Variants in ZNF536 observed in about 807,000 individuals in gnomAD.
ZNF536 encodes zinc finger protein 536.
ZNF536 carries 13 observed loss-of-function variants against 84.5 expected under a neutral mutation model. The observed-to-expected ratio is 0.15, with a 90% CI of 0.10 to 0.24. The LOEUF (loss-of-function observed/expected upper bound fraction) is 0.24. Ranked by LOEUF, ZNF536 falls within the 10% of genes least tolerant of loss-of-function variation. ZNF536 has a pLI of 1.00. For missense variants in ZNF536, 1,536 were observed against 1,747.5 expected (o/e 0.88, Z 2.16); for synonymous variants, 811 against 742.5 (o/e 1.09, Z -1.50).
At position 30,548,782 on chromosome 19, in the gene ZNF536, C is replaced by T. The variant is rs1319331079; in HGVS notation, c.3163C>T (p.Pro1055Ser). The change falls in exon 4 of 5, where the codon CCC becomes TCC. Residue 1055 changes from proline (P) to serine (S), a missense_variant. Pro to Ser is a moderately conservative substitution (Grantham distance 74). Around this residue, in one of 8 missense-constraint regions of ZNF536, gnomAD observed 624 missense variants for 603.1 expected, o/e 1.03. Transcript: ENST00000355537. ...AREASKMALL[P>S]SLQSNKDLGL... ...GGAGGCGAGTAAGATGGCCCTGCTG[C>T]CCTCGTTACAATCAAACAAAGACCT... 10 of 1,613,738 alleles carry T rather than the reference C, an allele frequency of 6.2e-6. No individual in the cohort carries two copies. Among genetic ancestry groups the T allele is most frequent in the Non-Finnish European group, 8.5e-6 (10 of 1,180,030 alleles).
chr19:30,316,073 A>T (rs930291938), intron 2 of ZNF536, among the ~76,000 whole-genome samples: 10 of 152,224 alleles, frequency 6.6e-5, no homozygotes, highest in African/African-American at 2.2e-4. Context: ...TACGCTTAAA[A>T]TGCTGCAGTA....
At position 30,444,058 on chromosome 19, in the gene ZNF536, A is replaced by C. The variant is rs557658131; in HGVS notation, c.496A>C (p.Arg166=). Reference sequence around the variant, plus strand: ...CTTCAAGTGCCCGTACTGCGACCACAGGGCGGCGCAGAAGGGGAACCTCAA... The same window carrying C: ...CTTCAAGTGCCCGTACTGCGACCACCGGGCGGCGCAGAAGGGGAACCTCAA... ...KPFKCPYCDH[R]AAQKGNLKIH... Residue 166 remains arginine (R), a synonymous_variant, in exon 2 of 5, where the codon AGG becomes CGG. Transcript: ENST00000355537. The C allele has an allele frequency of 6.2e-7, 1 of 1,613,486 alleles. No homozygotes were observed. Among genetic ancestry groups the C allele is most frequent in the East Asian group, 2.2e-5 (1 of 44,882 alleles).
At chr19:30,302,454 A>G (rs957040911) in intron 2 of ZNF536, among the ~76,000 whole-genome samples, 5 of 152,196 alleles carry the variant, frequency 3.3e-5, no homozygotes, top group Non-Finnish European at 7.3e-5. Flanking sequence ...GGGTTGTCAC[A>G]TGCAGAATCC....
chr19:30,583,182 T>C (rs2046984300), intron 1 of ZNF536, among the ~76,000 whole-genome samples: 1 of 152,126 alleles, frequency 6.6e-6, no homozygotes, highest in Non-Finnish European at 1.5e-5. Context: ...ACACTGACAG[T>C]CATGAGACCT....
chr19:30,230,774 A>G (rs570818268), intron 1 of ZNF536, among the ~76,000 whole-genome samples: 2 of 152,318 alleles, frequency 1.3e-5, no homozygotes, highest in East Asian at 3.9e-4. Flanking sequence ...AGCCCATTCA[A>G]GTGAACTCTG....
At chr19:30,318,787 C>T (rs1454729404) in intron 2 of ZNF536, among the ~76,000 whole-genome samples, 2 of 152,186 alleles carry the variant, frequency 1.3e-5, no homozygotes, top group Admixed American at 6.5e-5. Context: ...CCTGGGTCGT[C>T]GTGTCCTGTT....
At chr19:30,331,549 G>A (rs1375974520) in intron 2 of ZNF536, among the ~76,000 whole-genome samples, 3 of 152,124 alleles carry the variant, frequency 2.0e-5, no homozygotes, top group South Asian at 2.1e-4. Context: ...AGGTCTGTTG[G>A]CCAGTGACAT....
intron 2 of ZNF536, among the ~76,000 whole-genome samples, chr19:30,284,915 T>A (rs1007795335): frequency 2.0e-5 from 3 of 152,242 alleles, no homozygotes; most frequent in African/African-American, 7.2e-5. Flanking sequence ...AGTGCTTACT[T>A]CTGATTTTGT....
intron 4 of ZNF536, chr19:30,556,677 G>A (rs1268396763): frequency 1.3e-5 from 2 of 153,820 alleles, no homozygotes; most frequent in Non-Finnish European, 2.9e-5. Flanking sequence ...GTGACATTTA[G>A]CCTTGTTTAT....
chr19:30,244,612 C>T (rs1236345718), intron 1 of ZNF536, among the ~76,000 whole-genome samples: 2 of 152,208 alleles, frequency 1.3e-5, no homozygotes, highest in African/African-American at 4.8e-5. Flanking sequence ...TGCTGCACTG[C>T]CTCACCTTCC....
At chr19:30,560,232 A>C (rs911833963), downstream of ZNF536, among the ~76,000 whole-genome samples, 3 of 151,904 alleles carry the variant, frequency 2.0e-5, no homozygotes, top group African/African-American at 7.3e-5. Context: ...CCTTCCCCCT[A>C]AGCCACCTTC....
intron 1 of ZNF536, among the ~76,000 whole-genome samples, chr19:30,391,539 G>A (rs542877508): frequency 6.6e-6 from 1 of 152,246 alleles, no homozygotes; most frequent in East Asian, 1.9e-4. Flanking sequence ...TCGCACCATT[G>A]CACTCCAGCC....
At position 30,312,193 on chromosome 19, in the gene ZNF536, G is replaced by A. The variant is rs1174334810; in HGVS notation, c.-120+28052G>A. On this transcript the variant is annotated intron_variant, in intron 2 of 5. Transcript: ENST00000585628. The stretch of plus-strand genomic sequence containing the variant: ...TGCCATTTTGCAGGTGGAGAGAGGC[G>A]GTGCATGAGAGAAGATGAGCCTTTC... Among the ~76,000 whole-genome samples the A allele has an allele frequency of 2.0e-5, 3 of 152,160 alleles. No individual in the cohort carries two copies. The East Asian group carries it at 5.8e-4, about 29-fold the overall frequency.
At chr19:30,250,448 C>T (rs761015134) in intron 1 of ZNF536, among the ~76,000 whole-genome samples, 55 of 152,160 alleles carry the variant, frequency 3.6e-4, no homozygotes, top group African/African-American at 7.2e-4. Flanking sequence ...GGTGTGATTT[C>T]GGGTGTTGGG....
intron 1 of ZNF536, among the ~76,000 whole-genome samples, chr19:30,601,607 C>T (rs1388956994): frequency 2.0e-5 from 3 of 152,298 alleles, no homozygotes; most frequent in Admixed American, 6.5e-5. Context: ...GGGCCCCTGA[C>T]TCCCACAGGT....
At chr19:30,495,495 A>C (rs2054681301) in intron 2 of ZNF536, among the ~76,000 whole-genome samples, 1 of 152,234 alleles carries the variant, frequency 6.6e-6, no homozygotes, top group South Asian at 2.1e-4. Flanking sequence ...GCCTCTGAAC[A>C]AGCAGAGGCA....
intron 1 of ZNF536, among the ~76,000 whole-genome samples, chr19:30,642,506 G>A (rs2147349832): frequency 6.6e-6 from 1 of 152,316 alleles, no homozygotes; most frequent in African/African-American, 2.4e-5. Context: ...GACCTCAAAA[G>A]CTTCAGAGGG....
chr19:30,236,894 A>G (rs954487869), intron 1 of ZNF536, among the ~76,000 whole-genome samples: 4 of 152,166 alleles, frequency 2.6e-5, no homozygotes, highest in African/African-American at 9.7e-5. Context: ...GAGGTCAAGT[A>G]ATATATTCCA....
At chr19:30,638,222 C>T (rs2049142785) in intron 1 of ZNF536, among the ~76,000 whole-genome samples, 1 of 152,230 alleles carries the variant, frequency 6.6e-6, no homozygotes. Context: ...TCCATTTTAG[C>T]ATGTCTCTTC....
Sources: gnomAD v4.1 joint callset for allele counts (sites outside exome capture counted in the v4.1 genomes callset) on GRCh38, gnomAD v4.1.1 for gene constraint, gnomAD v4.1.1 regional missense constraint, MANE v1.5 for transcripts, NCBI Gene and HGNC (gene_info 2026-07-23, HGNC 2026-07-21) for gene names.